ARHGAP12: variants seen among roughly 807,000 people sequenced by gnomAD.
The protein encoded by ARHGAP12 is rho GTPase-activating protein 12.
In ARHGAP12, 64 loss-of-function variants were observed where a neutral mutation model predicts 108.6. The observed-to-expected ratio is 0.59, with a 90% CI of 0.48 to 0.73. The LOEUF is 0.73. Among genes scored for constraint, ARHGAP12 ranks in the 30% least tolerant of loss-of-function variants. The pLI is 0.00. For missense variants in ARHGAP12, 940 were observed against 1,005.9 expected (o/e 0.93, Z 0.89); for synonymous variants, 312 against 337.2 (o/e 0.93, Z 0.82).
At chr10:31,914,679 A>G (rs374349998) in intron 1 of ARHGAP12, among the ~76,000 whole-genome samples, 2 of 152,234 alleles carry the variant, frequency 1.3e-5, no homozygotes, top group East Asian at 3.8e-4. Flanking sequence ...GAACCTTTAT[A>G]TACTGTTGGT....
rs1839860892 is a variant in ARHGAP12 at position 31,922,346 on chromosome 10, AAAT to A, written c.-111+6334_-111+6336del. ...CTGAAGACATCAAAAGGAAAATAGA[AAAT>A]ATTATGAACAACTTTATGCCAACAA... On this transcript the variant is annotated intron_variant, in intron 1 of 19. Coordinates refer to ENST00000344936, the MANE Select transcript of ARHGAP12 (RefSeq NM_018287.7). Among the ~76,000 whole-genome samples the A allele has an allele frequency of 2.0e-5, 3 of 152,182 alleles. No individual in the cohort carries two copies. The South Asian group carries it at 6.2e-4, about 32-fold the overall frequency.
chr10:31,838,053 A>C (rs7095941), intron 9 of ARHGAP12, among the ~76,000 whole-genome samples: 36,327 of 152,082 alleles, frequency 0.24, 4,678 homozygotes, highest in East Asian at 0.47. Flanking sequence ...TATATAATCA[A>C]ATACTATGAA....
chr10:31,829,863 C>A (rs1228885552), intron 10 of ARHGAP12, among the ~76,000 whole-genome samples: 2 of 152,126 alleles, frequency 1.3e-5, no homozygotes, highest in African/African-American at 4.8e-5. Context: ...ATTATCTGAA[C>A]ATATCTTAAA....
At chr10:31,915,473 G>A (rs1028388708) in intron 1 of ARHGAP12, among the ~76,000 whole-genome samples, 1 of 151,966 alleles carries the variant, frequency 6.6e-6, no homozygotes, top group Admixed American at 6.6e-5. Flanking sequence ...TTGCTCAAAG[G>A]ACATACAATC....
intron 4 of ARHGAP12, among the ~76,000 whole-genome samples, chr10:31,857,420 A>T (rs890640199): frequency 6.6e-6 from 1 of 152,226 alleles, no homozygotes; most frequent in African/African-American, 2.4e-5. Flanking sequence ...TGAAATACTG[A>T]AAATGAGGCA....
chr10:31,921,137 C>A (rs12761150), intron 1 of ARHGAP12, among the ~76,000 whole-genome samples: 9,448 of 151,852 alleles, frequency 0.062, 392 homozygotes, highest in Middle Eastern at 0.092. Flanking sequence ...ACTAAAAAAA[C>A]TAGCCGGGCA....
intron 1 of ARHGAP12, among the ~76,000 whole-genome samples, chr10:31,912,150 T>C (rs539228870): frequency 5.3e-5 from 8 of 152,208 alleles, no homozygotes; most frequent in Non-Finnish European, 1.0e-4. Flanking sequence ...TACAAATTTT[T>C]CACAACTTTT....
At chr10:31,857,834 A>C (rs1592297337) in intron 4 of ARHGAP12, among the ~76,000 whole-genome samples, 4 of 152,344 alleles carry the variant, frequency 2.6e-5, no homozygotes, top group Admixed American at 2.6e-4. Flanking sequence ...ATGTTCTTCA[A>C]AAGTAAAAGT....
intron 1 of ARHGAP12, among the ~76,000 whole-genome samples, chr10:31,920,492 T>TA: frequency 7.1e-6 from 1 of 141,838 alleles, no homozygotes; most frequent in South Asian, 2.1e-4. Context: ...AAGTAGCACT[T>TA]ACGCAGCATA....
intron 1 of ARHGAP12, among the ~76,000 whole-genome samples, chr10:31,921,664 T>C (rs1210352882): frequency 1.4e-5 from 2 of 145,702 alleles, no homozygotes; most frequent in African/African-American, 5.1e-5. Context: ...CTGGGGAGGC[T>C]GAGGCAGGAG....
intron 6 of ARHGAP12, among the ~76,000 whole-genome samples, chr10:31,848,105 C>T (rs1055726893): frequency 2.0e-5 from 3 of 152,162 alleles, no homozygotes. Context: ...TGACTACAAG[C>T]CCATTTCAAT....
intron 3 of ARHGAP12, among the ~76,000 whole-genome samples, chr10:31,903,532 C>G (rs1015384818): frequency 1.3e-5 from 2 of 152,072 alleles, no homozygotes; most frequent in East Asian, 3.9e-4. Context: ...ATAAACTGGA[C>G]CTCAACAAAG....
intron 3 of ARHGAP12, among the ~76,000 whole-genome samples, chr10:31,906,009 T>C (rs542923155): frequency 5.3e-5 from 8 of 152,086 alleles, no homozygotes; most frequent in African/African-American, 1.9e-4. Context: ...GCACAATCAA[T>C]AGGATATGAC....
At chr10:31,908,970 T>C (rs2132458649) in intron 2 of ARHGAP12, 44 bp from the exon 3 acceptor site, 1 of 1,025,486 alleles carries the variant, frequency 9.8e-7, no homozygotes, top group Non-Finnish European at 1.4e-6. Flanking sequence ...AAAAAGTTAA[T>C]GCAATCTGGA....
chr10:31,839,011 G>A (rs1836145701), intron 9 of ARHGAP12, among the ~76,000 whole-genome samples: 1 of 151,802 alleles, frequency 6.6e-6, no homozygotes, highest in Non-Finnish European at 1.5e-5. Flanking sequence ...GCGCAACCAT[G>A]TCTCTATTTA....
At chr10:31,884,239 T>G (rs12259402) in intron 3 of ARHGAP12, among the ~76,000 whole-genome samples, 7,751 of 152,020 alleles carry the variant, frequency 0.051, 651 homozygotes, top group African/African-American at 0.17. Context: ...ACTAAAAAAT[T>G]CTTAAATTAT....
intron 4 of ARHGAP12, among the ~76,000 whole-genome samples, chr10:31,860,472 C>T (rs903433429): frequency 2.0e-5 from 3 of 152,152 alleles, no homozygotes; most frequent in Non-Finnish European, 2.9e-5. Flanking sequence ...TTCTAAAACA[C>T]AGCTGGCCAA....
At chr10:31,885,589 C>T (rs373978267) in intron 3 of ARHGAP12, among the ~76,000 whole-genome samples, 6 of 152,174 alleles carry the variant, frequency 3.9e-5, no homozygotes, top group South Asian at 2.1e-4. Context: ...GAGGCTGAGG[C>T]GGGTGGATCA....
At chr10:31,851,467 C>G (rs1420526852) in intron 6 of ARHGAP12, among the ~76,000 whole-genome samples, 3 of 152,142 alleles carry the variant, frequency 2.0e-5, no homozygotes, top group Non-Finnish European at 4.4e-5. Context: ...TTATGGCCAC[C>G]TACACATTGT....
Sources: gnomAD v4.1 joint callset for allele counts (sites outside exome capture counted in the v4.1 genomes callset) on GRCh38, gnomAD v4.1.1 for gene constraint, MANE v1.5 for transcripts, NCBI Gene and HGNC (gene_info 2026-07-23, HGNC 2026-07-21) for gene names.